Variants in TRDN observed in about 807,000 individuals in gnomAD.
TRDN encodes triadin, also known as triadin in skeletal muscle.
TRDN carries 161 observed loss-of-function variants against 149.7 expected under a neutral mutation model. The ratio of observed to expected loss-of-function variants is 1.08; its 90% confidence interval spans 0.95 to 1.23. The LOEUF (loss-of-function observed/expected upper bound fraction) is 1.23, where lower values mean the gene tolerates loss of function less well. Among genes scored for constraint, TRDN ranks in the 50% most tolerant of loss-of-function variants. The pLI is 0.00. For missense variants in TRDN, 896 were observed against 823.5 expected, an observed-to-expected ratio of 1.09 and a Z score of -1.08; for synonymous variants, 294 against 250.5, an observed-to-expected ratio of 1.17 and a Z score of -1.64.
At chr6:123,403,218 A>G (rs2114491171) in intron 12 of TRDN, among the ~76,000 whole-genome samples, 1 of 152,298 alleles carries the variant, frequency 6.6e-6, no homozygotes, top group Admixed American at 6.5e-5. Flanking sequence ...AAATGAGGCA[A>G]TAAAGTTCAG....
chr6:123,288,258 C>T (rs544215292), intron 24 of TRDN, among the ~76,000 whole-genome samples: 1 of 151,992 alleles, frequency 6.6e-6, no homozygotes, highest in African/African-American at 2.4e-5. Flanking sequence ...TGATAGAAGA[C>T]TTAATATAAG....
intron 40 of TRDN, among the ~76,000 whole-genome samples, 197 bp downstream of exon 40, chr6:123,221,290 T>C (rs948396611): frequency 1.3e-5 from 2 of 151,776 alleles, no homozygotes; most frequent in African/African-American, 4.8e-5. Flanking sequence ...CTCTTCCAAC[T>C]ATCTGCCTCT....
intron 23 of TRDN, among the ~76,000 whole-genome samples, chr6:123,322,588 C>T (rs184230059): frequency 1.5e-4 from 22 of 150,098 alleles, no homozygotes; most frequent in African/African-American, 5.1e-4. Context: ...TTCACTTTTC[C>T]CCTGTCCCAG....
intron 10 of TRDN, among the ~76,000 whole-genome samples, chr6:123,454,249 A>T (rs1775970454): frequency 6.6e-6 from 1 of 152,120 alleles, no homozygotes; most frequent in Admixed American, 6.5e-5. Context: ...CATGTAACCA[A>T]ATACCACCTG....
Position 123,630,107 on chromosome 6 carries a change from C to T in TRDN, c.22+6647G>A, listed in dbSNP as rs113870376. Among the ~76,000 whole-genome samples the T allele has an allele frequency of 1.1e-3, 174 of 151,952 alleles. 1 individual carries two copies. Among genetic ancestry groups the T allele is most frequent in the African/African-American group, 4.1e-3 (168 of 41,474 alleles). ...AAATGGAGCCTGAACTCCGTAAAGT[C>T]GACATTATTGTATGATGTTAATGCA... On this transcript the variant is annotated intron_variant, in intron 1 of 40. Coordinates refer to ENST00000334268, the MANE Select transcript of TRDN (RefSeq NM_006073.4).
chr6:123,568,478 G>C (rs1023629609), intron 2 of TRDN, among the ~76,000 whole-genome samples: 1 of 152,202 alleles, frequency 6.6e-6, no homozygotes, highest in Non-Finnish European at 1.5e-5. Context: ...TTCTCTGTTT[G>C]GGCTCTGCCA....
At chr6:123,445,821 A>G (rs1775306697) in intron 10 of TRDN, among the ~76,000 whole-genome samples, 3 of 123,218 alleles carry the variant, frequency 2.4e-5, no homozygotes, top group African/African-American at 1.1e-4. Context: ...TGTGGAAGTC[A>G]GTGTGGCGAT....
intron 4 of TRDN, among the ~76,000 whole-genome samples, chr6:123,540,496 A>G (rs1279213624): frequency 6.6e-6 from 1 of 151,622 alleles, no homozygotes; most frequent in Non-Finnish European, 1.5e-5. Context: ...ATGCCTTTTA[A>G]TCACTTGAAC....
intron 9 of TRDN, among the ~76,000 whole-genome samples, chr6:123,491,637 G>A (rs931317697): frequency 1.3e-5 from 2 of 151,934 alleles, no homozygotes; most frequent in African/African-American, 4.8e-5. Context: ...TGTCTTCATT[G>A]TATACTTATC....
chr6:123,328,439 G>A (rs538201088), intron 23 of TRDN, among the ~76,000 whole-genome samples: 75 of 152,264 alleles, frequency 4.9e-4, no homozygotes, highest in African/African-American at 1.7e-3. Context: ...GGAATTTCAG[G>A]TTATATTTCA....
At chr6:123,464,729 T>C in intron 10 of TRDN, 177 bp downstream of exon 10, 1 of 1,392,834 alleles carries the variant, frequency 7.2e-7, no homozygotes, top group Non-Finnish European at 9.3e-7. Context: ...GGGGACATTT[T>C]TGGTTTTCTA....
At chr6:123,586,381 G>A (rs1036491947) in intron 1 of TRDN, among the ~76,000 whole-genome samples, 2 of 152,028 alleles carry the variant, frequency 1.3e-5, no homozygotes, top group Non-Finnish European at 2.9e-5. Context: ...AAAAGGAAGA[G>A]TAGAAAGACT....
At chr6:123,401,910 GC>G (rs2114487218) in intron 12 of TRDN, among the ~76,000 whole-genome samples, 1 of 150,098 alleles carries the variant, frequency 6.7e-6, no homozygotes, top group East Asian at 2.0e-4. Flanking sequence ...TCACGCCACT[GC>G]ACTCCAGCCT....
At chr6:123,328,576 T>C (rs899234016) in intron 23 of TRDN, among the ~76,000 whole-genome samples, 1 of 152,148 alleles carries the variant, frequency 6.6e-6, no homozygotes, top group African/African-American at 2.4e-5. Context: ...TACACTTTGA[T>C]GGCTCCAAAA....
At chr6:123,559,904 AC>A (rs1004223779) in intron 2 of TRDN, among the ~76,000 whole-genome samples, 19 of 152,054 alleles carry the variant, frequency 1.2e-4, no homozygotes, top group Admixed American at 1.2e-3. Context: ...ATTCCTTTGC[AC>A]CCTTCATCCC....
intron 10 of TRDN, among the ~76,000 whole-genome samples, chr6:123,443,470 A>T (rs1273551156): frequency 6.6e-6 from 1 of 152,000 alleles, no homozygotes; most frequent in Non-Finnish European, 1.5e-5. Context: ...GAGATCCTGA[A>T]ATGACAGCAG....
At chr6:123,264,509 T>C in intron 33 of TRDN, among the ~76,000 whole-genome samples, 1 of 151,886 alleles carries the variant, frequency 6.6e-6, no homozygotes, top group Non-Finnish European at 1.5e-5. Flanking sequence ...CTGGTGAAGA[T>C]GTTGTGAACA....
chr6:123,483,127 G>A (rs550157555), intron 9 of TRDN, among the ~76,000 whole-genome samples: 1 of 145,942 alleles, frequency 6.9e-6, no homozygotes, highest in Admixed American at 6.9e-5. Flanking sequence ...ATTTGAGACC[G>A]AGTCTCGCCC....
chr6:123,446,478 C>T (rs143425420), intron 10 of TRDN, among the ~76,000 whole-genome samples: 68 of 149,096 alleles, frequency 4.6e-4, no homozygotes, highest in African/African-American at 1.4e-3. Context: ...CCAGCTGCTC[C>T]GGAGGCTGAA....
Sources: gnomAD v4.1 joint callset for allele counts (sites outside exome capture counted in the v4.1 genomes callset) on GRCh38, gnomAD v4.1.1 for gene constraint, MANE v1.5 for transcripts, NCBI Gene and HGNC (gene_info 2026-07-23, HGNC 2026-07-21) for gene names.